Variants in ARHGEF9 observed in about 807,000 individuals in gnomAD.
ARHGEF9 encodes the protein Cdc42 guanine nucleotide exchange factor 9, also known as rho guanine nucleotide exchange factor 9.
A neutral mutation model predicts 41.3 loss-of-function variants in ARHGEF9; 2 were observed. That is an observed-to-expected ratio of 0.05 (90% CI 0.02 to 0.15). ARHGEF9 has a LOEUF of 0.15. Among genes scored for constraint, ARHGEF9 ranks in the 10% least tolerant of loss-of-function variants. The pLI, the probability that ARHGEF9 is intolerant of heterozygous loss-of-function variation, is 1.00. For missense variants in ARHGEF9, 225 were observed against 424.7 expected, an observed-to-expected ratio of 0.53 and a Z score of 4.13; for synonymous variants, 160 against 154.4, an observed-to-expected ratio of 1.04 and a Z score of -0.27.
At chrX:63,674,568 T>G (rs192376047) in intron 5 of ARHGEF9, among the ~76,000 whole-genome samples, 1 of 111,823 alleles carries the variant, frequency 8.9e-6, no homozygotes, top group Non-Finnish European at 1.9e-5. Context: ...ATCAGAGGCA[T>G]AGACTGCTTT....
chrX:63,653,988 G>T (rs1556332728), intron 8 of ARHGEF9, among the ~76,000 whole-genome samples: 1 of 109,671 alleles, frequency 9.1e-6, no homozygotes, highest in South Asian at 3.9e-4. Context: ...AAAAGATTCA[G>T]TCACCTTGAT....
intron 2 of ARHGEF9, among the ~76,000 whole-genome samples, chrX:63,718,848 T>C (rs1556411802): frequency 9.0e-6 from 1 of 111,684 alleles, no homozygotes; most frequent in African/African-American, 3.3e-5. Flanking sequence ...ATAGGCTATA[T>C]GACTCTCAAG....
At chrX:63,716,041 C>G (rs2053269382) in intron 2 of ARHGEF9, 1 of 112,059 alleles carries the variant, frequency 8.9e-6, no homozygotes. Flanking sequence ...AATCCCAGCA[C>G]TTTGGGAGGC....
chrX:63,664,165 G>C (rs2049380986), intron 7 of ARHGEF9, among the ~76,000 whole-genome samples: 1 of 112,192 alleles, frequency 8.9e-6, no homozygotes, highest in East Asian at 2.8e-4. Context: ...CTAATCATTG[G>C]CTCCCACTAT....
intron 4 of ARHGEF9, among the ~76,000 whole-genome samples, chrX:63,685,653 A>T (rs2050937417): frequency 8.9e-6 from 1 of 111,979 alleles, no homozygotes; most frequent in African/African-American, 3.2e-5. Context: ...TATACCTAAA[A>T]ATAGATCTGC....
At position 63,778,926 on chromosome X, in the gene ARHGEF9, C is replaced by T. The variant is rs552739359; in HGVS notation, c.30+6190G>A. Among the ~76,000 whole-genome samples the T allele has an allele frequency of 8.9e-5, 10 of 112,390 alleles. No individual in the cohort carries two copies. In the South Asian group the frequency reaches 3.4e-3, roughly 38 times the overall value. Reference sequence around the variant, plus strand: ...TGATCAGTGTCAATTCATAGTAGATCCTCTACATTTGTGTTGAATAAATTA... The same window carrying T: ...TGATCAGTGTCAATTCATAGTAGATTCTCTACATTTGTGTTGAATAAATTA... On this transcript the variant is annotated intron_variant, in intron 1 of 9. Transcript: ENST00000671741.
intron 5 of ARHGEF9, among the ~76,000 whole-genome samples, chrX:63,675,950 G>T (rs1374550206): frequency 1.8e-5 from 2 of 111,953 alleles, no homozygotes; most frequent in Non-Finnish European, 3.8e-5. Flanking sequence ...GTGGTCACTA[G>T]TCTGCTTAAT....
Position 63,713,849 on chromosome X carries a change from G to C in ARHGEF9, c.211-7400C>G, listed in dbSNP as rs1246104393. Reference sequence around the variant, plus strand: ...TGCCTGGCACAAAGACAATCAGCACGGTATGTACAGTCAGACACAGAAACT... The same window carrying C: ...TGCCTGGCACAAAGACAATCAGCACCGTATGTACAGTCAGACACAGAAACT... On this transcript the variant is annotated intron_variant, in intron 2 of 9. Coordinates refer to ENST00000671741, the MANE Select transcript of ARHGEF9 (RefSeq NM_001353921.2). Among the ~76,000 whole-genome samples, 6 of 110,603 alleles carry C rather than the reference G, an allele frequency of 5.4e-5. No individual in the cohort carries two copies. The East Asian group carries it at 1.7e-3, about 32-fold the overall frequency.
At chrX:63,776,787 TCCTA>T (rs1282438985) in intron 1 of ARHGEF9, among the ~76,000 whole-genome samples, 3 of 111,750 alleles carry the variant, frequency 2.7e-5, no homozygotes, top group Non-Finnish European at 5.6e-5. Flanking sequence ...CAAGTTCTGC[TCCTA>T]CCTCTCACTT....
Position 63,643,960 on chromosome X carries a change from A to G in ARHGEF9, c.1390+20T>C. Reference sequence around the variant, plus strand: ...TATGATTCCATAGTCTTTCACAGAGACTGAGTGGGGCAGCTTTACCTTTTT... The same window carrying G: ...TATGATTCCATAGTCTTTCACAGAGGCTGAGTGGGGCAGCTTTACCTTTTT... On this transcript the variant is annotated intron_variant, in intron 9 of 9. Transcript: ENST00000671741. 1 of 1,201,823 alleles carries G rather than the reference A, an allele frequency of 8.3e-7. No individual in the cohort carries two copies. Among genetic ancestry groups the G allele is most frequent in the Non-Finnish European group, 1.1e-6 (1 of 887,032 alleles).
intron 1 of ARHGEF9, among the ~76,000 whole-genome samples, chrX:63,770,466 A>C (rs2056185854): frequency 8.9e-6 from 1 of 112,181 alleles, no homozygotes; most frequent in Admixed American, 9.4e-5. Context: ...TCATAGGTGG[A>C]AGGAACCTGC....
At chrX:63,742,356 A>T (rs1556427472) in intron 1 of ARHGEF9, among the ~76,000 whole-genome samples, 1 of 111,394 alleles carries the variant, frequency 9.0e-6, no homozygotes, top group African/African-American at 3.3e-5. Flanking sequence ...TCTCAGCTGA[A>T]GTACTATGGA....
intron 8 of ARHGEF9, among the ~76,000 whole-genome samples, chrX:63,654,533 C>A: frequency 8.9e-6 from 1 of 112,007 alleles, no homozygotes. Context: ...TACCCAAGTT[C>A]TGAGGAGAAG....
rs150270989 is a variant in ARHGEF9 at position 63,658,429 on chromosome X, C to T, written c.1078-2692G>A. 1.0e-2 allele frequency among the ~76,000 whole-genome samples: 1,117 copies of T among 112,132 alleles called. 11 individuals carry two copies. Among genetic ancestry groups the T allele is most frequent in the Non-Finnish European group, 0.012 (657 of 53,242 alleles). ...CAAAAGAAAGAGCATGATGTAGAGT[C>T]TGAAGCCCTGAGTTTGATGCCTTGC... On this transcript the variant is annotated intron_variant, in intron 7 of 9. Coordinates refer to ENST00000671741, the MANE Select transcript of ARHGEF9 (RefSeq NM_001353921.2).
chrX:63,766,047 T>C (rs2056108283), intron 1 of ARHGEF9, among the ~76,000 whole-genome samples: 1 of 112,388 alleles, frequency 8.9e-6, no homozygotes, highest in South Asian at 3.7e-4. Context: ...CCCCGCTGTA[T>C]TTTTTCTCCT....
At chrX:63,654,839 T>C (rs2048784267) in intron 8 of ARHGEF9, among the ~76,000 whole-genome samples, 1 of 111,888 alleles carries the variant, frequency 8.9e-6, no homozygotes, top group South Asian at 3.7e-4. Flanking sequence ...GACAGTACTT[T>C]ATAAGTCACA....
intron 1 of ARHGEF9, among the ~76,000 whole-genome samples, chrX:63,751,284 G>A (rs1556440653): frequency 9.0e-6 from 1 of 110,944 alleles, no homozygotes; most frequent in African/African-American, 3.3e-5. Context: ...TGGTGTCAGG[G>A]GTGGGAAGAA....
chrX:63,664,921 T>C (rs1302103492), intron 7 of ARHGEF9, among the ~76,000 whole-genome samples: 6 of 112,089 alleles, frequency 5.4e-5, no homozygotes, highest in African/African-American at 1.9e-4. Context: ...CAGAAAAATG[T>C]AACACTATTT....
At chrX:63,705,821 C>T (rs2052502340) in intron 3 of ARHGEF9, among the ~76,000 whole-genome samples, 1 of 111,480 alleles carries the variant, frequency 9.0e-6, no homozygotes, top group Non-Finnish European at 1.9e-5. Flanking sequence ...GAGAGGGCTG[C>T]TTAACAAGCT....
Sources: gnomAD v4.1 joint callset for allele counts (sites outside exome capture counted in the v4.1 genomes callset) on GRCh38, gnomAD v4.1.1 for gene constraint, MANE v1.5 for transcripts, NCBI Gene and HGNC (gene_info 2026-07-23, HGNC 2026-07-21) for gene names.